The following NBEA variants were observed in gnomAD, a reference collection of about 807,000 sequenced individuals.
NBEA encodes lysosomal-trafficking regulator 2.
In NBEA, 44 loss-of-function variants were observed where a neutral mutation model predicts 343.4. The observed-to-expected ratio is 0.13, with a 90% CI of 0.10 to 0.16. NBEA has a LOEUF of 0.16. NBEA is among the 10% of genes least tolerant of loss of function. The probability of loss-of-function intolerance (pLI) is 1.00; values close to 1 mark genes in which losing one functional copy is unlikely to be tolerated. For missense variants in NBEA, 2,555 were observed against 3,631.3 expected (o/e 0.70, Z 7.62); for synonymous variants, 1,175 against 1,238.7 (o/e 0.95, Z 1.08).
chr13:35,443,866 A>G (rs1167069852), intron 39 of NBEA, among the ~76,000 whole-genome samples: 1 of 151,918 alleles, frequency 6.6e-6, no homozygotes, highest in Non-Finnish European at 1.5e-5. Flanking sequence ...AAAAAATGCT[A>G]TTTTATAAAG....
chr13:35,446,860 C>T (rs1465804300), intron 39 of NBEA, among the ~76,000 whole-genome samples: 1 of 151,370 alleles, frequency 6.6e-6, no homozygotes, highest in African/African-American at 2.4e-5. Flanking sequence ...AAATGAAAAC[C>T]CCATTGTTCC....
At chr13:35,241,538 G>C (rs1344201932) in intron 34 of NBEA, among the ~76,000 whole-genome samples, 1 of 151,610 alleles carries the variant, frequency 6.6e-6, no homozygotes, top group East Asian at 1.9e-4. Context: ...AAAGTGTAGA[G>C]GGTAAAAAAA....
At chr13:35,262,816 A>G (rs1271345675) in intron 34 of NBEA, among the ~76,000 whole-genome samples, 2 of 152,200 alleles carry the variant, frequency 1.3e-5, no homozygotes, top group Admixed American at 6.5e-5. Flanking sequence ...GGTACAAACC[A>G]CTGCTGAAAG....
chr13:35,024,485 A>T (rs2061950937), intron 1 of NBEA, among the ~76,000 whole-genome samples: 1 of 151,984 alleles, frequency 6.6e-6, no homozygotes, highest in Admixed American at 6.6e-5. Flanking sequence ...CAGCCAGACC[A>T]ACCTGGCGAA....
intron 1 of NBEA, among the ~76,000 whole-genome samples, chr13:34,960,745 G>A (rs1484427904): frequency 6.6e-6 from 1 of 152,106 alleles, no homozygotes; most frequent in African/African-American, 2.4e-5. Flanking sequence ...GCCTATGTAT[G>A]TGGGCTGTTC....
At chr13:35,308,236 T>C (rs1034255641) in intron 35 of NBEA, among the ~76,000 whole-genome samples, 2 of 151,254 alleles carry the variant, frequency 1.3e-5, no homozygotes, top group African/African-American at 4.9e-5. Context: ...TTTGTGAAGC[T>C]GAACCCATGG....
intron 1 of NBEA, among the ~76,000 whole-genome samples, chr13:35,013,754 C>G (rs965339560): frequency 1.1e-4 from 16 of 152,184 alleles, no homozygotes; most frequent in African/African-American, 3.9e-4. Flanking sequence ...CAGGCGTGAG[C>G]CACTGTGCCC....
At chr13:34,965,243 G>T (rs543026068) in intron 1 of NBEA, among the ~76,000 whole-genome samples, 8 of 152,078 alleles carry the variant, frequency 5.3e-5, no homozygotes, top group African/African-American at 1.9e-4. Flanking sequence ...TATCTTTAAG[G>T]ATTTCAAGAT....
chr13:35,664,748 A>G (rs1376073212), intron 55 of NBEA, among the ~76,000 whole-genome samples: 1 of 152,220 alleles, frequency 6.6e-6, no homozygotes, highest in Non-Finnish European at 1.5e-5. Context: ...GACCATAAAT[A>G]CATGATGTAA....
At chr13:35,616,882 C>A (rs7333405) in intron 48 of NBEA, among the ~76,000 whole-genome samples, 1 of 152,004 alleles carries the variant, frequency 6.6e-6, no homozygotes, top group Admixed American at 6.6e-5. Context: ...GATAAGCAGA[C>A]TTTATTCAAA....
Position 35,202,676 on chromosome 13 carries a change from T to C in NBEA, c.5367-6024T>C, listed in dbSNP as rs190928468. Among the ~76,000 whole-genome samples the C allele has an allele frequency of 2.3e-3, 347 of 152,264 alleles. 1 individual carries two copies. Among genetic ancestry groups the C allele is most frequent in the African/African-American group, 7.7e-3 (322 of 41,582 alleles). On this transcript the variant is annotated intron_variant, in intron 31 of 58. Transcript: ENST00000379939. ...GGCCATCTCATCCACTCTCCTGGCA[T>C]TAAATAGCATCTGTATGCTGATGAC... is the stretch of plus-strand genomic sequence containing the variant.
chr13:35,562,379 A>G (rs554799495), intron 44 of NBEA, among the ~76,000 whole-genome samples: 1 of 152,274 alleles, frequency 6.6e-6, no homozygotes, highest in Non-Finnish European at 1.5e-5. Context: ...AGATAATATT[A>G]TGCAAAAGAT....
chr13:35,442,193 G>T, intron 39 of NBEA, among the ~76,000 whole-genome samples: 1 of 152,066 alleles, frequency 6.6e-6, no homozygotes, highest in Non-Finnish European at 1.5e-5. Context: ...GTCTTTTTCT[G>T]TGTGTATTTT....
chr13:35,436,767 G>A (rs2045467973), intron 39 of NBEA, among the ~76,000 whole-genome samples: 1 of 150,900 alleles, frequency 6.6e-6, no homozygotes, highest in African/African-American at 2.4e-5. Context: ...TAGAATTTCT[G>A]CTGAAAACTT....
intron 17 of NBEA, 46 bp downstream of exon 17, chr13:35,123,620 A>G (rs761145098): frequency 8.2e-7 from 1 of 1,222,422 alleles, no homozygotes. Context: ...AACTATTGAG[A>G]TTATGTTTTT....
chr13:35,623,307 A>G (rs2083075689), intron 48 of NBEA, among the ~76,000 whole-genome samples: 1 of 152,300 alleles, frequency 6.6e-6, no homozygotes, highest in African/African-American at 2.4e-5. Context: ...AATACTGTTT[A>G]TAGTAAAGAG....
chr13:35,284,920 C>T (rs1415439336), intron 34 of NBEA, among the ~76,000 whole-genome samples: 3 of 152,190 alleles, frequency 2.0e-5, no homozygotes, highest in East Asian at 3.9e-4. Context: ...GTCTAAAAGA[C>T]ACTCATTATG....
At chr13:35,162,252 A>C (rs2069619980) in intron 23 of NBEA, among the ~76,000 whole-genome samples, 1 of 152,216 alleles carries the variant, frequency 6.6e-6, no homozygotes, top group Non-Finnish European at 1.5e-5. Context: ...AAATCTACAT[A>C]AAGTAAACCA....
intron 41 of NBEA, among the ~76,000 whole-genome samples, chr13:35,524,354 G>T: frequency 6.6e-6 from 1 of 152,218 alleles, no homozygotes; most frequent in East Asian, 1.9e-4. Flanking sequence ...TCTGAGTGAG[G>T]ATAGGAGCTC....
Sources: gnomAD v4.1 joint callset for allele counts (sites outside exome capture counted in the v4.1 genomes callset) on GRCh38, gnomAD v4.1.1 for gene constraint, MANE v1.5 for transcripts, NCBI Gene and HGNC (gene_info 2026-07-23, HGNC 2026-07-21) for gene names.